CSMD1: variants seen among roughly 807,000 people sequenced by gnomAD.
CSMD1 encodes the protein CUB and sushi domain-containing protein 1.
Under a neutral mutation model 417.5 loss-of-function variants are expected in CSMD1, and 213 were observed. The observed-to-expected ratio is 0.51, with a 90% confidence interval of 0.46 to 0.57. The LOEUF is 0.57. Ranked by LOEUF, CSMD1 falls within the 20% of genes least tolerant of loss-of-function variation. The probability of loss-of-function intolerance (pLI) is 0.00; values close to 1 mark genes in which losing one functional copy is unlikely to be tolerated. For synonymous variants in CSMD1, 2,862 were observed against 1,736.8 expected, an observed-to-expected ratio of 1.65 and a Z score of -16.11; for missense variants, 6,923 against 4,529.7, an observed-to-expected ratio of 1.53 and a Z score of -15.17.
intron 12 of CSMD1, among the ~76,000 whole-genome samples, chr8:3,437,788 C>A (rs966016443): frequency 1.3e-5 from 2 of 151,274 alleles, no homozygotes; most frequent in African/African-American, 4.9e-5. Context: ...TGCTCTGTTG[C>A]CCAGGCTGGA....
intron 51 of CSMD1, among the ~76,000 whole-genome samples, chr8:3,027,802 G>A (rs995844490): frequency 6.6e-6 from 1 of 152,216 alleles, no homozygotes; most frequent in African/African-American, 2.4e-5. Flanking sequence ...TTCAGAAGCT[G>A]GAAGCAGAAA....
chr8:3,973,008 A>C (rs1485816152), intron 5 of CSMD1, among the ~76,000 whole-genome samples: 1 of 152,332 alleles, frequency 6.6e-6, no homozygotes, highest in East Asian at 1.9e-4. Context: ...TTTTACATTT[A>C]TTTTTCTCTT....
At chr8:4,612,824 A>AT (rs1204120524) in intron 2 of CSMD1, among the ~76,000 whole-genome samples, 1 of 152,228 alleles carries the variant, frequency 6.6e-6, no homozygotes, top group Non-Finnish European at 1.5e-5. Context: ...CTTTGACAGA[A>AT]TTTAAGAGAG....
At chr8:4,105,470 A>G (rs1428955139) in intron 3 of CSMD1, among the ~76,000 whole-genome samples, 1 of 152,212 alleles carries the variant, frequency 6.6e-6, no homozygotes, top group African/African-American at 2.4e-5. Flanking sequence ...GTAAATAATT[A>G]TATACTGAGG....
At chr8:2,942,166 G>A (rs953566846) in intron 69 of CSMD1, among the ~76,000 whole-genome samples, 1 of 151,916 alleles carries the variant, frequency 6.6e-6, no homozygotes, top group Admixed American at 6.6e-5. Flanking sequence ...CACACACTGG[G>A]GCCTGTGGGG....
chr8:4,821,120 TG>T (rs1234421226), intron 1 of CSMD1, among the ~76,000 whole-genome samples: 1 of 152,130 alleles, frequency 6.6e-6, no homozygotes, highest in East Asian at 1.9e-4. Flanking sequence ...AGATCTCGGT[TG>T]TATCAGGCAA....
intron 3 of CSMD1, among the ~76,000 whole-genome samples, chr8:4,267,379 A>T (rs1235157048): frequency 2.1e-5 from 1 of 47,274 alleles, no homozygotes; most frequent in African/African-American, 3.7e-5. Context: ...GAGTCTTAGG[A>T]TTAACTATGA....
intron 3 of CSMD1, among the ~76,000 whole-genome samples, chr8:4,275,776 A>C (rs932117680): frequency 3.3e-5 from 5 of 152,186 alleles, no homozygotes; most frequent in Non-Finnish European, 5.9e-5. Context: ...CAGAATAAAA[A>C]CTCTAAAATG....
Position 4,697,418 on chromosome 8 carries a change from G to C in CSMD1, c.86-59860C>G, listed in dbSNP as rs150410673. Reference sequence around the variant, plus strand: ...TACATGCTAGCAAATTAGTGTATTTGGGCATGCTCATATTTGCTTACAGAG... The same window carrying C: ...TACATGCTAGCAAATTAGTGTATTTCGGCATGCTCATATTTGCTTACAGAG... On this transcript the variant is annotated intron_variant, in intron 1 of 69. Coordinates refer to ENST00000635120, the MANE Select transcript of CSMD1 (RefSeq NM_033225.6). Among the ~76,000 whole-genome samples the C allele has an allele frequency of 4.6e-5, 7 of 152,100 alleles. No individual in the cohort carries two copies. The East Asian group carries it at 1.4e-3, about 30-fold the overall frequency.
intron 6 of CSMD1, among the ~76,000 whole-genome samples, chr8:3,713,735 T>C (rs773930740): frequency 1.0e-3 from 159 of 152,326 alleles, no homozygotes; most frequent in Admixed American, 3.1e-3. Context: ...ACGTACTCAA[T>C]ATGAGGAGAT....
intron 2 of CSMD1, among the ~76,000 whole-genome samples, chr8:4,515,038 T>G (rs779650316): frequency 1.2e-4 from 19 of 152,142 alleles, no homozygotes; most frequent in Non-Finnish European, 1.9e-4. Context: ...AGAAGCACTT[T>G]CAGAACTACA....
chr8:3,392,866 T>C (rs578093455), intron 17 of CSMD1, among the ~76,000 whole-genome samples: 1 of 152,174 alleles, frequency 6.6e-6, no homozygotes, highest in East Asian at 1.9e-4. Context: ...CCCACAGAAA[T>C]AGCAACCAGA....
At chr8:4,383,928 G>A (rs980751508) in intron 3 of CSMD1, among the ~76,000 whole-genome samples, 2 of 152,142 alleles carry the variant, frequency 1.3e-5, no homozygotes, top group African/African-American at 4.8e-5. Context: ...ATGATACCGT[G>A]AAGAAAAATG....
At chr8:3,789,310 T>G (rs1190113993) in intron 5 of CSMD1, among the ~76,000 whole-genome samples, 1 of 151,974 alleles carries the variant, frequency 6.6e-6, no homozygotes, top group East Asian at 1.9e-4. Context: ...ATATTTATTG[T>G]GACAGCCCCA....
At chr8:3,217,187 G>A (rs916568597) in intron 29 of CSMD1, among the ~76,000 whole-genome samples, 3 of 150,776 alleles carry the variant, frequency 2.0e-5, no homozygotes, top group Admixed American at 6.6e-5. Flanking sequence ...CATCACTGTC[G>A]TGGGCTGCAT....
chr8:3,938,607 C>T (rs142051747), intron 5 of CSMD1, among the ~76,000 whole-genome samples: 11 of 152,078 alleles, frequency 7.2e-5, no homozygotes, highest in Admixed American at 7.2e-4. Context: ...TGCTGTAGAC[C>T]CCGAATAAGG....
At chr8:4,328,235 CAA>C (rs1799666964) in intron 3 of CSMD1, among the ~76,000 whole-genome samples, 1 of 138,230 alleles carries the variant, frequency 7.2e-6, no homozygotes, top group Non-Finnish European at 1.5e-5. Context: ...ACATTGCACT[CAA>C]TACAATTTTT....
At chr8:4,931,046 A>G (rs1454886337) in intron 1 of CSMD1, among the ~76,000 whole-genome samples, 3 of 152,168 alleles carry the variant, frequency 2.0e-5, no homozygotes, top group Admixed American at 2.0e-4. Flanking sequence ...GCCCTTACAA[A>G]TCCTTGACTT....
chr8:4,937,083 C>G (rs1012087518), intron 1 of CSMD1, among the ~76,000 whole-genome samples: 1 of 152,114 alleles, frequency 6.6e-6, no homozygotes, highest in African/African-American at 2.4e-5. Context: ...CATTGTGGCA[C>G]ACACCTGTAG....
Sources: gnomAD v4.1 joint callset for allele counts (sites outside exome capture counted in the v4.1 genomes callset) on GRCh38, gnomAD v4.1.1 for gene constraint, MANE v1.5 for transcripts, NCBI Gene and HGNC (gene_info 2026-07-23, HGNC 2026-07-21) for gene names.